Variants in FANCL observed in about 807,000 individuals in gnomAD.
FANCL encodes the protein E3 ubiquitin-protein ligase FANCL.
A neutral mutation model predicts 59.4 loss-of-function variants in FANCL; 69 were observed. The observed-to-expected ratio is 1.16, with a 90% CI of 0.96 to 1.42. The LOEUF (loss-of-function observed/expected upper bound fraction) is 1.42, where lower values mean the gene tolerates loss of function less well. Among genes scored for constraint, FANCL ranks in the 40% most tolerant of loss-of-function variants. The pLI is 0.00. For synonymous variants in FANCL, 180 were observed against 147.1 expected (o/e 1.22, Z -1.62); for missense variants, 519 against 447.2 (o/e 1.16, Z -1.45).
chr2:58,171,989 C>T (rs62140034), intron 7 of FANCL, among the ~76,000 whole-genome samples: 1 of 152,204 alleles, frequency 6.6e-6, no homozygotes, highest in Non-Finnish European at 1.5e-5. Context: ...ACGGAGCCTC[C>T]TTCATTGCTA....
At position 58,218,239 on chromosome 2, in the gene FANCL, C is replaced by T. The variant is rs550230385; in HGVS notation, c.374+3703G>A. 7.9e-5 allele frequency among the ~76,000 whole-genome samples: 12 copies of T among 151,798 alleles called. 1 individual carries two copies. In the South Asian group the frequency reaches 2.5e-3, roughly 32 times the overall value. On this transcript the variant is annotated intron_variant, in intron 5 of 13. Coordinates refer to ENST00000233741, the MANE Select transcript of FANCL (RefSeq NM_018062.4). ...GATAAACTGGAAAAAAATCAATGACCTACATATCCATCTCAACAAATTACA... is the reference window on the plus strand; with the variant it reads ...GATAAACTGGAAAAAAATCAATGACTTACATATCCATCTCAACAAATTACA...
At chr2:58,190,854 T>C (rs1029373668) in intron 7 of FANCL, among the ~76,000 whole-genome samples, 24 of 152,064 alleles carry the variant, frequency 1.6e-4, no homozygotes, top group South Asian at 4.1e-4. Context: ...TGGTTTGGCT[T>C]CTAAAATTCA....
intron 7 of FANCL, among the ~76,000 whole-genome samples, chr2:58,179,970 A>T (rs1687765581): frequency 6.6e-6 from 1 of 152,228 alleles, no homozygotes. Context: ...CATATGAAAA[A>T]AAGCTCATCA....
rs535874314 is a variant in FANCL, at chr2:58,159,425, T to C, written c.*340A>G. On this transcript the variant is annotated 3_prime_UTR_variant, in exon 14 of 14. Coordinates refer to ENST00000233741, the MANE Select transcript of FANCL (RefSeq NM_018062.4). ...GAAGTAAACAGTTTCCCACAAAAAA[T>C]CAGCTATACACAATTCCCAAACTCA... 22 of 1,613,532 alleles carry C rather than the reference T, an allele frequency of 1.4e-5. No homozygotes were observed. The South Asian group carries it at 2.4e-4, about 18-fold the overall frequency.
intron 7 of FANCL, among the ~76,000 whole-genome samples, chr2:58,174,497 C>T (rs558871725): frequency 5.9e-5 from 9 of 152,276 alleles, no homozygotes; most frequent in African/African-American, 1.4e-4. Context: ...CTCAAAACCG[C>T]TCATCTACAT....
chr2:58,187,383 G>C (rs1688509653), intron 7 of FANCL, among the ~76,000 whole-genome samples: 1 of 148,328 alleles, frequency 6.7e-6, no homozygotes, highest in Non-Finnish European at 1.5e-5. Context: ...CTTGGACACA[G>C]GGCAAGGAAC....
At chr2:58,231,772 T>C (rs1693603625) in intron 2 of FANCL, among the ~76,000 whole-genome samples, 1 of 152,360 alleles carries the variant, frequency 6.6e-6, no homozygotes, top group South Asian at 2.1e-4. Flanking sequence ...TCTCCCTTTA[T>C]ATACCTGTTC....
Position 58,226,757 on chromosome 2 carries a change from T to G in FANCL, c.244A>C (p.Ser82Arg). The part of the protein sequence containing the change: ...QRMQHSPDLM[S>R]FMMELKMLLE... ...AGCATCTTCAACTCCATCATAAAGCTCATTAGATCAGGAGAGTGCTGCATT... is the reference window on the plus strand; with the variant it reads ...AGCATCTTCAACTCCATCATAAAGCGCATTAGATCAGGAGAGTGCTGCATT... The change falls in exon 4 of 14, where the codon AGC becomes CGC. Residue 82 changes from serine (S) to arginine (R), a missense_variant. Physicochemically the swap from Ser to Arg is moderately radical, Grantham distance 110 (BLOSUM62 -1). Coordinates refer to ENST00000233741, the MANE Select transcript of FANCL (RefSeq NM_018062.4). 1 of 1,613,242 alleles carries G rather than the reference T, an allele frequency of 6.2e-7. No individual in the cohort carries two copies. The highest frequency in any genetic ancestry group is 8.5e-7 in the Non-Finnish European group (1 of 1,179,582).
intron 7 of FANCL, among the ~76,000 whole-genome samples, chr2:58,196,045 A>G (rs1392610598): frequency 6.6e-6 from 1 of 152,160 alleles, no homozygotes; most frequent in African/African-American, 2.4e-5. Flanking sequence ...GATTAACATA[A>G]TGGAATAATA....
intron 5 of FANCL, among the ~76,000 whole-genome samples, chr2:58,207,254 A>G (rs1031504007): frequency 1.3e-5 from 2 of 152,190 alleles, no homozygotes; most frequent in African/African-American, 4.8e-5. Context: ...TGAGGACAGG[A>G]ACAACACTCT....
intron 5 of FANCL, among the ~76,000 whole-genome samples, chr2:58,217,017 G>A (rs1403009335): frequency 6.8e-6 from 1 of 148,146 alleles, no homozygotes; most frequent in East Asian, 2.0e-4. Context: ...AGGGGAATAA[G>A]GAATTGCAGA....
chr2:58,177,591 T>G (rs1031912232), intron 7 of FANCL, among the ~76,000 whole-genome samples: 2 of 117,312 alleles, frequency 1.7e-5, no homozygotes, highest in African/African-American at 6.7e-5. Flanking sequence ...TGAGAACACA[T>G]GGACACAGGA....
chr2:58,232,262 T>C, intron 1 of FANCL, 150 bp from the exon 2 acceptor site: 1 of 697,178 alleles, frequency 1.4e-6, no homozygotes, highest in Non-Finnish European at 2.5e-6. Context: ...TTAAAATATA[T>C]GCAACACAAT....
At chr2:58,164,877 T>A (rs1315048445) in intron 8 of FANCL, among the ~76,000 whole-genome samples, 1 of 152,086 alleles carries the variant, frequency 6.6e-6, no homozygotes, top group African/African-American at 2.4e-5. Context: ...AACTATACTT[T>A]CTTCTCGTAA....
At chr2:58,241,347 A>G (rs374960980), upstream of FANCL, 1 of 1,604,572 alleles carries the variant, frequency 6.2e-7, no homozygotes, top group African/African-American at 1.3e-5. Flanking sequence ...GAAAAGCTCT[A>G]GACCTGCTGG....
Position 58,163,442 on chromosome 2 carries a change from G to A in FANCL, c.767C>T (p.Ala256Val), listed in dbSNP as rs781438290. Residue 256 changes from alanine (A) to valine (V), a missense_variant, in exon 9 of 14, where the codon GCT (alanine) becomes GTT (valine). Transcript: ENST00000233741. ...TMLPECFFLG[A>V]DHVVKPLGIK... ...AATCTCAGATGTCATACCATGGTCA[G>A]CTCCAAGAAAGAAGCACTCAGGAAG... is the stretch of plus-strand genomic sequence containing the variant. The A allele has an allele frequency of 2.5e-6, 4 of 1,606,996 alleles. No homozygotes were observed. The South Asian group carries it at 4.4e-5, about 18-fold the overall frequency.
Position 58,159,934 on chromosome 2 carries a change from A to G in FANCL, c.1093-134T>C. The G allele has an allele frequency of 2.0e-6, 3 of 1,529,158 alleles. No homozygotes were observed. In the South Asian group the frequency reaches 3.8e-5, roughly 19 times the overall value. 94.7% of individuals were successfully genotyped at this position (1,529,158 alleles called of 1,614,324 possible). ...ACACTTCTGAAGTTTCAGATCACCT[A>G]GGAAATCTAGAAAAGGAGTTTAATG... On this transcript the variant is annotated intron_variant, in intron 13 of 13. Coordinates refer to ENST00000233741, the MANE Select transcript of FANCL (RefSeq NM_018062.4).
rs7581091 is a variant in FANCL at position 58,240,533 on chromosome 2, A to G, written c.96+685T>C. On this transcript the variant is annotated intron_variant, in intron 1 of 13. Coordinates refer to ENST00000233741, the MANE Select transcript of FANCL (RefSeq NM_018062.4). ...TGATTTCTTCAACTAGAAAATGGGAATGATGATTCTTTTAAAAATTTCTGC... is the reference window on the plus strand; with the variant it reads ...TGATTTCTTCAACTAGAAAATGGGAGTGATGATTCTTTTAAAAATTTCTGC... Among the ~76,000 whole-genome samples, 165 of 152,350 alleles carry G rather than the reference A, an allele frequency of 1.1e-3. 1 individual carries two copies. Among genetic ancestry groups the G allele is most frequent in the Middle Eastern group, 3.4e-3 (1 of 294 alleles).
intron 5 of FANCL, among the ~76,000 whole-genome samples, chr2:58,220,383 T>C (rs971986197): frequency 6.6e-6 from 1 of 152,204 alleles, no homozygotes; most frequent in Non-Finnish European, 1.5e-5. Context: ...ATTTTAGTGG[T>C]TAAAACAAAA....
Sources: gnomAD v4.1 joint callset for allele counts (sites outside exome capture counted in the v4.1 genomes callset) on GRCh38, gnomAD v4.1.1 for gene constraint, MANE v1.5 for transcripts, NCBI Gene and HGNC (gene_info 2026-07-23, HGNC 2026-07-21) for gene names.